DNAH5: variants seen among roughly 807,000 people sequenced by gnomAD.
DNAH5 encodes the protein dynein axonemal heavy chain 5, also known as axonemal beta dynein heavy chain 5.
Under a neutral mutation model 518.2 loss-of-function variants are expected in DNAH5, and 372 were observed. That is an observed-to-expected ratio of 0.72 (90% CI 0.66 to 0.78). DNAH5 has a LOEUF of 0.78. Among genes scored for constraint, DNAH5 ranks in the 30% least tolerant of loss-of-function variants. DNAH5 has a pLI of 0.00. For missense variants in DNAH5, 5,523 were observed against 5,687.0 expected (o/e 0.97, Z 0.93); for synonymous variants, 2,039 against 2,025.9 (o/e 1.01, Z -0.17).
intron 68 of DNAH5, among the ~76,000 whole-genome samples, chr5:13,731,497 C>A (rs1450477263): frequency 2.6e-5 from 4 of 152,108 alleles, no homozygotes; most frequent in Non-Finnish European, 5.9e-5. Flanking sequence ...CAATTAGGCA[C>A]AAATAGTGAT....
intron 51 of DNAH5, among the ~76,000 whole-genome samples, 183 bp from the exon 52 acceptor site, chr5:13,786,534 ATATGCAGTCT>A (rs1335087417): frequency 1.3e-5 from 2 of 152,244 alleles, no homozygotes; most frequent in Non-Finnish European, 2.9e-5. Context: ...TTTTGTGATC[ATATGCAGTCT>A]TTGTTGTTTC....
intron 47 of DNAH5, among the ~76,000 whole-genome samples, chr5:13,795,214 A>C (rs906293854): frequency 5.9e-5 from 9 of 152,194 alleles, no homozygotes; most frequent in Non-Finnish European, 4.4e-5. Context: ...GCACAACTGA[A>C]AGAGACAGAC....
intron 38 of DNAH5, among the ~76,000 whole-genome samples, chr5:13,828,221 T>C (rs993769829): frequency 7.9e-5 from 12 of 152,144 alleles, no homozygotes; most frequent in African/African-American, 2.9e-4. Flanking sequence ...AAAAGAACTT[T>C]TTAGTAGGAA....
chr5:13,841,563 G>T, intron 33 of DNAH5, 129 bp downstream of exon 33: 1 of 707,898 alleles, frequency 1.4e-6, no homozygotes, highest in Non-Finnish European at 2.4e-6. Flanking sequence ...ATATTTAATG[G>T]GTCCTTATGA....
At chr5:13,973,816 C>A (rs1364055936) in intron 1 of DNAH5, among the ~76,000 whole-genome samples, 1 of 151,852 alleles carries the variant, frequency 6.6e-6, no homozygotes, top group East Asian at 1.9e-4. Context: ...GCAAGAACAA[C>A]CACGAAAGAC....
chr5:13,827,458 G>C (rs981035561), intron 38 of DNAH5, among the ~76,000 whole-genome samples: 1 of 104,928 alleles, frequency 9.5e-6, no homozygotes, highest in African/African-American at 3.9e-5. Flanking sequence ...TTGGTGCCCT[G>C]CATCCCAGCC....
At position 13,814,695 on chromosome 5, in the gene DNAH5, A is replaced by G; in HGVS notation, c.7140T>C (p.His2380=). 1.2e-6 allele frequency: 2 copies of G among 1,614,142 alleles called. No homozygotes were observed. Among genetic ancestry groups the G allele is most frequent in the South Asian group, 1.1e-5 (1 of 91,086 alleles). Residue 2380 remains histidine, a synonymous_variant, in exon 43 of 79, where the codon CAT becomes CAC. Transcript: ENST00000265104. Reference sequence around the variant, plus strand: ...TGGCAGGAGAAGCATTGTCAATGTTATGAGGCTCGAAAATGATCTTGCAGT... The same window carrying G: ...TGGCAGGAGAAGCATTGTCAATGTTGTGAGGCTCGAAAATGATCTTGCAGT... ...APNCKIIFEP[H]NIDNASPATV... is the part of the protein sequence containing the mutation.
intron 22 of DNAH5, among the ~76,000 whole-genome samples, chr5:13,873,642 T>C (rs1358924441): frequency 6.6e-6 from 1 of 151,588 alleles, no homozygotes; most frequent in Non-Finnish European, 1.5e-5. Flanking sequence ...AAATTTTGTC[T>C]TTTTTTATTT....
chr5:13,739,515 GT>G (rs1286220130), intron 65 of DNAH5, among the ~76,000 whole-genome samples: 1 of 152,088 alleles, frequency 6.6e-6, no homozygotes, highest in Admixed American at 6.5e-5. Flanking sequence ...AAATTACCCA[GT>G]CTCGGGTATT....
At chr5:13,885,378 T>C in intron 18 of DNAH5, 150 bp from the exon 19 acceptor site, 3 of 995,034 alleles carry the variant, frequency 3.0e-6, no homozygotes, top group Non-Finnish European at 4.5e-6. Context: ...ATCACACTTC[T>C]TAGGAAGTGA....
Position 13,883,022 on chromosome 5 carries a change from G to A in DNAH5, c.3056C>T (p.Pro1019Leu), listed in dbSNP as rs1352378182. Residue 1019 changes from proline (P) to leucine (L), a missense_variant, in exon 20 of 79, where the codon CCC (proline) becomes CTC (leucine). Pro to Leu is a moderately conservative substitution (Grantham distance 98, BLOSUM62 -3). This residue lies in a region of DNAH5 where 5,121 missense variants were observed against 5,223.3 expected (regional missense o/e 0.98). Coordinates refer to ENST00000265104, the MANE Select transcript of DNAH5 (RefSeq NM_001369.3). ...CAGGGCAGGGGCCATGACGATGTTGGGAATGGCCAGAGTGACGCTTGCCCG... is the reference window on the plus strand; with the variant it reads ...CAGGGCAGGGGCCATGACGATGTTGAGAATGGCCAGAGTGACGCTTGCCCG... Reference protein sequence around the residue: ...IFRASVTLAIPNIVMAPALED... With the variant: ...IFRASVTLAILNIVMAPALED... 4.3e-6 allele frequency: 7 copies of A among 1,614,030 alleles called. No homozygotes were observed. Among genetic ancestry groups the A allele is most frequent in the Non-Finnish European group, 5.9e-6 (7 of 1,180,030 alleles).
chr5:13,819,294 T>A (rs1761921211), intron 41 of DNAH5, among the ~76,000 whole-genome samples: 1 of 152,156 alleles, frequency 6.6e-6, no homozygotes, highest in Admixed American at 6.5e-5. Context: ...TGGTCCATTT[T>A]GGTAGAGGTA....
At chr5:13,717,816 G>C (rs748668851) in intron 72 of DNAH5, among the ~76,000 whole-genome samples, 12 of 152,110 alleles carry the variant, frequency 7.9e-5, no homozygotes, top group Non-Finnish European at 1.3e-4. Context: ...GGTAACGACA[G>C]TTAAATAAAT....
At chr5:13,889,613 C>A (rs1008180543) in intron 17 of DNAH5, among the ~76,000 whole-genome samples, 2 of 152,162 alleles carry the variant, frequency 1.3e-5, no homozygotes, top group African/African-American at 4.8e-5. Context: ...ATGCTGAACA[C>A]CTGATTCCTT....
chr5:13,716,583 C>G lies in DNAH5; in HGVS notation c.12813G>C (p.Trp4271Cys). The G allele has an allele frequency of 1.2e-6, 2 of 1,613,876 alleles. No individual in the cohort carries two copies. The highest frequency in any genetic ancestry group is 1.7e-6 in the Non-Finnish European group (2 of 1,179,782). Residue 4271 changes from tryptophan (W) to cysteine (C), a missense_variant, in exon 74 of 79, where the codon TGG becomes TGC. By Grantham distance (215) the Trp-to-Cys change is radical. Around this residue, in one of 3 missense-constraint regions of DNAH5, gnomAD observed 15 missense variants for 33.6 expected, o/e 0.45. Coordinates refer to ENST00000265104, the MANE Select transcript of DNAH5 (RefSeq NM_001369.3). ...CTGGTCCAAACATATTTTCACTGAA[C>G]CAAACCTTAGCAAATGTGTTCAACA... The part of the protein sequence containing the change: ...KRLLNTFAKV[W>C]FSENMFGPDF...
At chr5:13,801,594 G>A (rs1758758874) in intron 47 of DNAH5, among the ~76,000 whole-genome samples, 1 of 152,114 alleles carries the variant, frequency 6.6e-6, no homozygotes, top group Admixed American at 6.5e-5. Context: ...TCCCTCCTGA[G>A]AAATGACTGC....
At chr5:13,739,524 A>G (rs182475964) in intron 65 of DNAH5, among the ~76,000 whole-genome samples, 37 of 152,234 alleles carry the variant, frequency 2.4e-4, no homozygotes, top group African/African-American at 7.7e-4. Flanking sequence ...AGTCTCGGGT[A>G]TTTCTTCATA....
chr5:13,694,553 G>T (rs1017029240), intron 78 of DNAH5, among the ~76,000 whole-genome samples: 1 of 152,142 alleles, frequency 6.6e-6, no homozygotes, highest in African/African-American at 2.4e-5. Flanking sequence ...TGTGCAAATT[G>T]GCAAGCCATA....
intron 21 of DNAH5, among the ~76,000 whole-genome samples, chr5:13,880,054 G>C (rs188278425): frequency 4.6e-5 from 7 of 152,186 alleles, no homozygotes; most frequent in Admixed American, 3.9e-4. Context: ...AAAGTAGCAA[G>C]GGAAAAGTGT....
Sources: gnomAD v4.1 joint callset for allele counts (sites outside exome capture counted in the v4.1 genomes callset) on GRCh38, gnomAD v4.1.1 for gene constraint, gnomAD v4.1.1 regional missense constraint, MANE v1.5 for transcripts, NCBI Gene and HGNC (gene_info 2026-07-23, HGNC 2026-07-21) for gene names.